LAMA1: variants seen among roughly 807,000 people sequenced by gnomAD.
The protein encoded by LAMA1 is laminin subunit alpha-1.
Under a neutral mutation model 348.7 loss-of-function variants are expected in LAMA1, and 219 were observed. The ratio of observed to expected loss-of-function variants is 0.63; its 90% CI spans 0.56 to 0.70. LAMA1 has a LOEUF of 0.70. LAMA1 is among the 30% of genes least tolerant of loss of function. LAMA1 has a pLI of 0.00. For synonymous variants in LAMA1, 1,487 were observed against 1,491.0 expected (o/e 1.00, Z 0.06); for missense variants, 3,744 against 3,888.0 (o/e 0.96, Z 0.99).
chr18:6,975,990 C>A lies in LAMA1; in HGVS notation c.6436G>T (p.Val2146Phe), dbSNP rs769653267. The change falls in exon 45 of 63, where the codon GTT (valine) becomes TTT (phenylalanine). Residue 2146 changes from valine to phenylalanine, a missense_variant. Transcript: ENST00000389658. ...AGATTATCGGGTTCCTGTGTCTTAA[C>A]ATTTAGTGTTAAGGTATTGTAGTTG... ...STNYNTLTLN[V>F]KTQEPDNLLF... 2 of 1,614,166 alleles carry A rather than the reference C, an allele frequency of 1.2e-6. No homozygotes were observed. Among genetic ancestry groups the A allele is most frequent in the East Asian group, 4.5e-5 (2 of 44,884 alleles).
intron 42 of LAMA1, among the ~76,000 whole-genome samples, chr18:6,979,882 G>C (rs1433949258): frequency 6.6e-6 from 1 of 152,216 alleles, no homozygotes; most frequent in African/African-American, 2.4e-5. Flanking sequence ...CTGGGCGACA[G>C]AGCGAGACTC....
intron 36 of LAMA1, among the ~76,000 whole-genome samples, chr18:6,990,343 C>A (rs188751871): frequency 6.6e-6 from 1 of 152,052 alleles, no homozygotes; most frequent in Non-Finnish European, 1.5e-5. Context: ...AGAAGGGTAA[C>A]GGTGGGAGGG....
chr18:7,102,330 G>A (rs2058294670), intron 1 of LAMA1, among the ~76,000 whole-genome samples: 1 of 152,030 alleles, frequency 6.6e-6, no homozygotes, highest in South Asian at 2.1e-4. Flanking sequence ...CTGAGAGGAG[G>A]AGGAAGTCTT....
At position 7,048,966 on chromosome 18, in the gene LAMA1, G is replaced by A. The variant is rs548322390; in HGVS notation, c.768+112C>T. 139 of 1,036,732 alleles carry A rather than the reference G, an allele frequency of 1.3e-4. 1 individual carries two copies. The Middle Eastern group carries it at 1.8e-3, about 14-fold the overall frequency. The allele number at this position is 1,036,732 out of a possible 1,614,324, so 64.2% of individuals were successfully genotyped here. A position where few individuals can be genotyped will look rare whatever the true frequency, so the allele number is the denominator to read the frequency against. On this transcript the variant is annotated intron_variant, in intron 5 of 62. Transcript: ENST00000389658. ...GGATACAGCTGCTGGCAAGAAAAAA[G>A]GCCAACATGTCGGGGAAAGAACAAC...
At position 7,017,309 on chromosome 18, in the gene LAMA1, T is replaced by C. The variant is rs1178234792; in HGVS notation, c.2777A>G (p.Asn926Ser). ...LETGLCDCKP[N>S]VTGQQCDQCL... ...CTGGTCACACTGCTGTCCAGTCACG[T>C]TTGGTTTGCAGTCACAGAGCCCGGT... Residue 926 changes from asparagine to serine, a missense_variant, in exon 20 of 63, where the codon AAC becomes AGC. Around this residue, in one of 3 missense-constraint regions of LAMA1, gnomAD observed 1,529 missense variants for 1,689.4 expected, o/e 0.91. Transcript: ENST00000389658. 1.2e-6 allele frequency: 2 copies of C among 1,613,848 alleles called. No homozygotes were observed. Among genetic ancestry groups the C allele is most frequent in the Non-Finnish European group, 8.5e-7 (1 of 1,179,932 alleles).
rs201217414 is a variant in LAMA1 at position 6,986,245 on chromosome 18, G to C, written c.5271C>G (p.His1757Gln). Residue 1757 changes from histidine (H) to glutamine (Q), a missense_variant, in exon 37 of 63, where the codon CAC (histidine) becomes CAG (glutamine). By Grantham distance (24) the His-to-Gln change is conservative. Around this residue, in one of 3 missense-constraint regions of LAMA1, gnomAD observed 1,983 missense variants for 1,934.3 expected, o/e 1.03. Transcript: ENST00000389658. ...KEAASHVLSK[H>Q]NNELKAAEAL... is the part of the protein sequence containing the mutation. ...CCTCAGCCGCCTTTAGTTCATTGTT[G>C]TGCTTTGAAAGGACGTGGCTTGCTG... The C allele has an allele frequency of 1.9e-5, 30 of 1,614,028 alleles. No individual in the cohort carries two copies. Among genetic ancestry groups the C allele is most frequent in the Non-Finnish European group, 2.5e-5 (29 of 1,180,048 alleles).
intron 1 of LAMA1, among the ~76,000 whole-genome samples, chr18:7,098,854 G>GC (rs1163640163): frequency 7.7e-6 from 1 of 130,134 alleles, no homozygotes; most frequent in Non-Finnish European, 1.7e-5. Flanking sequence ...GGGGGGGTCA[G>GC]CCCCCCGCCC....
At chr18:7,108,640 C>CAAA (rs58802341) in intron 1 of LAMA1, among the ~76,000 whole-genome samples, 1,856 of 40,182 alleles carry the variant, frequency 0.046, 460 homozygotes, top group African/African-American at 0.11. Context: ...GACTCTGTCT[C>CAAA]AAAAAAAAAA....
intron 41 of LAMA1, among the ~76,000 whole-genome samples, chr18:6,981,981 A>G (rs1341595689): frequency 6.6e-6 from 1 of 152,224 alleles, no homozygotes; most frequent in Non-Finnish European, 1.5e-5. Flanking sequence ...TTCTTTCTTG[A>G]AACTTTAGGA....
At chr18:7,117,625 G>A (rs2058363300) in intron 1 of LAMA1, 35 bp downstream of exon 1, 3 of 1,589,228 alleles carry the variant, frequency 1.9e-6, no homozygotes, top group African/African-American at 2.7e-5. Flanking sequence ...CCCGCCTGCG[G>A]GGGACAGGGA....
chr18:6,993,906 G>A (rs1368502928), intron 34 of LAMA1, among the ~76,000 whole-genome samples, 154 bp from the exon 35 acceptor site: 1 of 152,128 alleles, frequency 6.6e-6, no homozygotes, highest in East Asian at 1.9e-4. Flanking sequence ...CATGCAAGCC[G>A]AGCTTAATAT....
chr18:7,057,798 CTTT>C (rs544422864), intron 3 of LAMA1, among the ~76,000 whole-genome samples: 5 of 133,130 alleles, frequency 3.8e-5, no homozygotes, highest in African/African-American at 1.2e-4. Context: ...TTCTTTCTTT[CTTT>C]TTTTTTTTTT....
intron 16 of LAMA1, among the ~76,000 whole-genome samples, chr18:7,029,110 G>A (rs1012892532): frequency 2.6e-5 from 4 of 152,098 alleles, no homozygotes; most frequent in African/African-American, 9.7e-5. Context: ...TTACTCCAGG[G>A]TTTCATCAGT....
chr18:7,085,461 C>T (rs2058211663), intron 1 of LAMA1, among the ~76,000 whole-genome samples: 2 of 139,276 alleles, frequency 1.4e-5, no homozygotes, highest in Admixed American at 1.5e-4. Context: ...CTCTGTCGCC[C>T]AGGCTGTAGT....
intron 28 of LAMA1, among the ~76,000 whole-genome samples, chr18:7,007,913 T>TTATTTATTTATTTATTTA (rs59784736): frequency 1.3e-3 from 177 of 136,828 alleles, no homozygotes; most frequent in African/African-American, 2.9e-3. Context: ...ATTACTCCAC[T>TTATTTATTTATTTATTTA]TTTATTTATT....
intron 22 of LAMA1, among the ~76,000 whole-genome samples, chr18:7,015,440 T>C (rs560882572): frequency 6.6e-6 from 1 of 152,102 alleles, no homozygotes; most frequent in African/African-American, 2.4e-5. Flanking sequence ...AGGCTAAATT[T>C]TTTTTTAATC....
Position 6,997,705 on chromosome 18 carries a change from A to G in LAMA1, c.4806+37T>C, listed in dbSNP as rs200545389. On this transcript the variant is annotated intron_variant, in intron 33 of 62. Transcript: ENST00000389658. Reference sequence around the variant, plus strand: ...CCCAATGACTATATCCCTTAATGATACAAGTGTCTGTTCATCTCTGTATTT... The same window carrying G: ...CCCAATGACTATATCCCTTAATGATGCAAGTGTCTGTTCATCTCTGTATTT... The G allele has an allele frequency of 6.8e-4, 1,098 of 1,603,120 alleles. 4 individuals are homozygous for G. Among genetic ancestry groups the G allele is most frequent in the Non-Finnish European group, 8.7e-4 (1,023 of 1,170,188 alleles).
chr18:6,988,390 C>T (rs8086853), intron 36 of LAMA1, among the ~76,000 whole-genome samples: 2,710 of 152,264 alleles, frequency 0.018, 67 homozygotes, highest in African/African-American at 0.058. Flanking sequence ...AGAAGTGAGC[C>T]GGATCCTCCA....
chr18:6,979,770 G>A (rs1354248050), intron 42 of LAMA1, among the ~76,000 whole-genome samples: 2 of 151,850 alleles, frequency 1.3e-5, no homozygotes, highest in Non-Finnish European at 2.9e-5. Context: ...ACGGTGGCGG[G>A]CGCCTGTAGT....
Sources: allele counts gnomAD v4.1 joint callset (sites outside exome capture counted in the v4.1 genomes callset), GRCh38; gene constraint gnomAD v4.1.1; regional missense constraint gnomAD v4.1.1; transcripts MANE v1.5; gene names NCBI Gene and HGNC (gene_info 2026-07-23, HGNC 2026-07-21).